The following C15orf40 variants were observed in gnomAD, a reference collection of about 807,000 sequenced individuals.
The protein encoded by C15orf40 is UPF0235 protein C15orf40.
Under a neutral mutation model 13.9 loss-of-function variants are expected in C15orf40, and 9 were observed. The observed-to-expected ratio is 0.65, with a 90% confidence interval of 0.39 to 1.13. C15orf40 has a LOEUF of 1.13. C15orf40 is among the 50% of genes most tolerant of loss of function. C15orf40 has a pLI of 0.01. For synonymous variants in C15orf40, 95 were observed against 69.2 expected (o/e 1.37, Z -1.85); for missense variants, 225 against 188.5 (o/e 1.19, Z -1.13).
chr15:82,994,101 T>C (rs1320609529), downstream of C15orf40, among the ~76,000 whole-genome samples: 1 of 152,190 alleles, frequency 6.6e-6, no homozygotes, highest in Non-Finnish European at 1.5e-5. Context: ...TGGTTTTTGT[T>C]TCCAAAGCCA....
downstream of C15orf40, chr15:82,990,838 G>A (rs891385950): frequency 2.0e-6 from 1 of 505,162 alleles, no homozygotes; most frequent in East Asian, 3.0e-5. Flanking sequence ...AAATAATGCT[G>A]CATTTTGATG....
chr15:82,993,632 C>A (rs2151273534), downstream of C15orf40, among the ~76,000 whole-genome samples: 3 of 152,070 alleles, frequency 2.0e-5, no homozygotes, highest in South Asian at 6.2e-4. Context: ...GCCAACATGG[C>A]AAAAACCCCG....
At position 82,998,305 on chromosome 15, in the gene C15orf40, C is replaced by G. The variant is rs2031234422; in HGVS notation, c.*7292G>C. On this transcript the variant is annotated 3_prime_UTR_variant, in exon 4 of 4. Transcript: ENST00000304177. Reference sequence around the variant, plus strand: ...ACCTCCCTCCCGGACGGGGTGGCTGCCGGGCGGAGACGCTCCTCACTTCCC... The same window carrying G: ...ACCTCCCTCCCGGACGGGGTGGCTGGCGGGCGGAGACGCTCCTCACTTCCC... 1 of 145,550 alleles carries G rather than the reference C, an allele frequency of 6.9e-6. No individual in the cohort carries two copies. Among genetic ancestry groups the G allele is most frequent in the African/African-American group, 2.7e-5 (1 of 37,080 alleles). 9.0% of individuals were successfully genotyped at this position (145,550 alleles called of 1,614,324 possible).
At position 83,004,706 on chromosome 15, in the gene C15orf40, A is replaced by G; in HGVS notation, c.*891T>C. 1.1e-6 allele frequency: 1 copy of G among 926,480 alleles called. No individual in the cohort carries two copies. The highest frequency in any genetic ancestry group is 1.9e-5 in the African/African-American group (1 of 53,940). 57.4% of individuals were successfully genotyped at this position (926,480 alleles called of 1,614,324 possible). A position where few individuals can be genotyped will look rare whatever the true frequency, so the allele number is the denominator to read the frequency against. The stretch of plus-strand genomic sequence containing the variant: ...TTCTTTACTTTTTCAACAAAATGGT[A>G]AATATAGTCTTTAAAAGATGTAAAA... On this transcript the variant is annotated 3_prime_UTR_variant, in exon 4 of 4. Transcript: ENST00000304177.
intron 1 of C15orf40, 102 bp downstream of exon 1, chr15:83,011,395 G>C (rs1361508802): frequency 2.3e-6 from 3 of 1,288,352 alleles, no homozygotes; most frequent in Non-Finnish European, 3.1e-6. Flanking sequence ...ACGGCAAGCC[G>C]CTGGCAGTGC....
At position 83,002,539 on chromosome 15, in the gene C15orf40, AG is replaced by A. The variant is rs1426927333; in HGVS notation, c.*3057del. On this transcript the variant is annotated 3_prime_UTR_variant, in exon 4 of 4. Coordinates refer to ENST00000304177, the MANE Select transcript of C15orf40 (RefSeq NM_144597.3). ...TTCTTTCTTCTATAGTTACTGCTTTAGGGAACTTGTGTTATAGAATGGCATT... is the reference window on the plus strand; with the variant it reads ...TTCTTTCTTCTATAGTTACTGCTTTAGGAACTTGTGTTATAGAATGGCATT... 6.6e-6 allele frequency: 1 copy of A among 152,212 alleles called. No homozygotes were observed. Among genetic ancestry groups the A allele is most frequent in the Non-Finnish European group, 1.5e-5 (1 of 68,042 alleles). The allele number at this position is 152,212 out of a possible 1,614,324, so 9.4% of individuals were successfully genotyped here. A position where few individuals can be genotyped will look rare whatever the true frequency, so the allele number is the denominator to read the frequency against.
At chr15:83,007,437 C>T (rs780141925) in intron 3 of C15orf40, among the ~76,000 whole-genome samples, 1 of 152,184 alleles carries the variant, frequency 6.6e-6, no homozygotes, top group East Asian at 1.9e-4. Flanking sequence ...TGTGGATAGT[C>T]TCAGTAAGGA....
chr15:83,010,390 A>G, intron 1 of C15orf40, 27 bp from the exon 2 acceptor site: 1 of 1,613,356 alleles, frequency 6.2e-7, no homozygotes, highest in Non-Finnish European at 8.5e-7. Flanking sequence ...ACAACTTTAC[A>G]GGTTACAAAA....
downstream of C15orf40, chr15:82,990,681 T>C (rs1380637671): frequency 1.3e-6 from 2 of 1,515,692 alleles, no homozygotes; most frequent in Non-Finnish European, 1.8e-6. Context: ...GGAATCATTG[T>C]CAGTTTGTGT....
In C15orf40 at chr15:83,011,563, G is replaced by A. The variant is rs772921216; in HGVS notation, c.45C>T (p.Pro15=). ...GAAGCCGAGCGGAGCCCCGAGTATT[G>A]GGTGTTGCCCGAAGGTGCCTCAGCC... ...RSGLRHLRAT[P]NTRGSARLLC... is the part of the protein sequence containing the mutation. Residue 15 remains proline, a synonymous_variant, in exon 1 of 4, where the codon CCC becomes CCT. Coordinates refer to ENST00000304177, the MANE Select transcript of C15orf40 (RefSeq NM_144597.3). 16 of 1,605,444 alleles carry A rather than the reference G, an allele frequency of 1.0e-5. No individual in the cohort carries two copies. The South Asian group carries it at 1.8e-4, about 18-fold the overall frequency.
rs1400160307 is a variant in C15orf40, at chr15:83,005,229, A to G, written c.*368T>C. 6.9e-6 allele frequency: 7 copies of G among 1,017,120 alleles called. No individual in the cohort carries two copies. Among genetic ancestry groups the G allele is most frequent in the Non-Finnish European group, 2.4e-6 (2 of 848,426 alleles). The allele number at this position is 1,017,120 out of a possible 1,614,324, so 63.0% of individuals were successfully genotyped here. A position where few individuals can be genotyped will look rare whatever the true frequency, so the allele number is the denominator to read the frequency against. On this transcript the variant is annotated 3_prime_UTR_variant, in exon 4 of 4. Coordinates refer to ENST00000304177, the MANE Select transcript of C15orf40 (RefSeq NM_144597.3). Reference sequence around the variant, plus strand: ...TTCTGTGCATGTAGTATATTTTTCTATTTAACAGCCTCTTCACCATTAGCA... The same window carrying G: ...TTCTGTGCATGTAGTATATTTTTCTGTTTAACAGCCTCTTCACCATTAGCA...
At chr15:83,009,735 TCTAA>T (rs1260600655) in intron 2 of C15orf40, among the ~76,000 whole-genome samples, 5 of 152,170 alleles carry the variant, frequency 3.3e-5, no homozygotes, top group East Asian at 1.9e-4. Context: ...CCTGAAAGCC[TCTAA>T]CTTAGTCCAA....
At chr15:83,008,479 A>G in intron 3 of C15orf40, 69 bp downstream of exon 3, 1 of 1,533,564 alleles carries the variant, frequency 6.5e-7, no homozygotes, top group Non-Finnish European at 8.9e-7. Context: ...AGACTACGCC[A>G]CTGCACTCCA....
rs549575850 is a variant in C15orf40 at position 83,011,556 on chromosome 15, G to A, written c.52C>T (p.Arg18Trp). Reference protein sequence around the residue: ...LRHLRATPNTRGSARLLCAEM... With the variant: ...LRHLRATPNTWGSARLLCAEM... ...GCGCAAAGAAGCCGAGCGGAGCCCC[G>A]AGTATTGGGTGTTGCCCGAAGGTGC... Residue 18 changes from arginine to tryptophan, a missense_variant, in exon 1 of 4, where the codon CGG (arginine) becomes TGG (tryptophan). Coordinates refer to ENST00000304177, the MANE Select transcript of C15orf40 (RefSeq NM_144597.3). 1.0e-5 allele frequency: 16 copies of A among 1,606,424 alleles called. No homozygotes were observed. The East Asian group carries it at 3.4e-4, about 34-fold the overall frequency.
chr15:83,005,070 G>A lies in C15orf40; in HGVS notation c.*527C>T, dbSNP rs2031602421. On this transcript the variant is annotated 3_prime_UTR_variant, in exon 4 of 4. Transcript: ENST00000304177. ...CAGCTCTGTTATTTTACAACGCCATGAAATCAGAGTAACATGTTCCAGGCT... is the reference window on the plus strand; with the variant it reads ...CAGCTCTGTTATTTTACAACGCCATAAAATCAGAGTAACATGTTCCAGGCT... The A allele has an allele frequency of 2.5e-6, 3 of 1,195,644 alleles. No homozygotes were observed. The Admixed American group carries it at 9.7e-5, about 39-fold the overall frequency. The allele number at this position is 1,195,644 out of a possible 1,614,324, so 74.1% of individuals were successfully genotyped here. A position where few individuals can be genotyped will look rare whatever the true frequency, so the allele number is the denominator to read the frequency against.
At chr15:83,009,788 T>C (rs1244634782) in intron 2 of C15orf40, among the ~76,000 whole-genome samples, 4 of 152,196 alleles carry the variant, frequency 2.6e-5, no homozygotes, top group Admixed American at 2.6e-4. Context: ...GACCCATGAA[T>C]GTTTTATACT....
At chr15:83,006,145 C>T (rs1375489779) in intron 3 of C15orf40, among the ~76,000 whole-genome samples, 2 of 151,540 alleles carry the variant, frequency 1.3e-5, no homozygotes, top group Admixed American at 6.6e-5. Flanking sequence ...GCAGGAAAAT[C>T]GCTGGAACCC....
downstream of C15orf40, chr15:82,990,866 A>G (rs550220601): frequency 6.3e-5 from 31 of 490,608 alleles, no homozygotes; most frequent in South Asian, 1.1e-3. Flanking sequence ...CTTTTTTGGT[A>G]TTTAATGTGG....
At position 82,997,790 on chromosome 15, in the gene C15orf40, C is replaced by G. The variant is rs1174098007; in HGVS notation, c.*7807G>C. On this transcript the variant is annotated 3_prime_UTR_variant, in exon 4 of 4. Transcript: ENST00000304177. The stretch of plus-strand genomic sequence containing the variant: ...CCCAGTAGGGGCGGCCGGGCAGAGG[C>G]GCCCCTCACCTCCCAGACGGGGCGG... 1.5e-5 allele frequency: 2 copies of G among 133,642 alleles called. No individual in the cohort carries two copies. Among genetic ancestry groups the G allele is most frequent in the Admixed American group, 8.1e-5 (1 of 12,344 alleles). 8.3% of individuals were successfully genotyped at this position (133,642 alleles called of 1,614,324 possible).
Sources: gnomAD v4.1 joint callset for allele counts (sites outside exome capture counted in the v4.1 genomes callset) on GRCh38, gnomAD v4.1.1 for gene constraint, MANE v1.5 for transcripts, NCBI Gene and HGNC (gene_info 2026-07-23, HGNC 2026-07-21) for gene names.